The following MED12L variants were observed in gnomAD, a reference collection of about 807,000 sequenced individuals.
MED12L encodes the protein mediator of RNA polymerase II transcription subunit 12-like protein.
MED12L carries 60 observed loss-of-function variants against 281.3 expected under a neutral mutation model. The ratio of observed to expected loss-of-function variants is 0.21; its 90% CI spans 0.17 to 0.26. MED12L has a LOEUF of 0.26. MED12L is among the 10% of genes least tolerant of loss of function. MED12L has a pLI of 1.00. For missense variants in MED12L, 2,146 were observed against 2,680.9 expected (o/e 0.80, Z 4.41); for synonymous variants, 974 against 987.2 (o/e 0.99, Z 0.25).
chr3:151,092,877 ACT>A (rs1212778377), intron 2 of MED12L, among the ~76,000 whole-genome samples: 2 of 151,810 alleles, frequency 1.3e-5, no homozygotes, highest in Non-Finnish European at 2.9e-5. Context: ...GCCTCAGGTG[ACT>A]CTTAGGAGAG....
intron 16 of MED12L, among the ~76,000 whole-genome samples, chr3:151,226,431 G>A (rs1054935275): frequency 6.6e-5 from 10 of 152,144 alleles, no homozygotes; most frequent in African/African-American, 2.4e-4. Flanking sequence ...ATGGTTAAGT[G>A]ATTCATCAAA....
At chr3:151,257,059 T>G (rs1737956723) in intron 16 of MED12L, among the ~76,000 whole-genome samples, 1 of 152,188 alleles carries the variant, frequency 6.6e-6, no homozygotes, top group Non-Finnish European at 1.5e-5. Context: ...ATACAGCTGC[T>G]TCTGAGATAC....
At chr3:151,234,803 T>C (rs1456661688) in intron 16 of MED12L, among the ~76,000 whole-genome samples, 1 of 152,202 alleles carries the variant, frequency 6.6e-6, no homozygotes, top group Non-Finnish European at 1.5e-5. Flanking sequence ...TAATGTGGAC[T>C]ATCATTAACC....
chr3:151,159,738 A>C, intron 7 of MED12L, 94 bp from the exon 8 acceptor site: 13 of 1,249,180 alleles, frequency 1.0e-5, no homozygotes, highest in Non-Finnish European at 1.4e-5. Context: ...AAGTTTTTTT[A>C]TCTTTTTTAA....
At chr3:151,349,042 G>T (rs563346716) in intron 16 of MED12L, among the ~76,000 whole-genome samples, 8 of 152,210 alleles carry the variant, frequency 5.3e-5, no homozygotes, top group Non-Finnish European at 1.2e-4. Context: ...TATACATAGA[G>T]TAAGAAAAGG....
At chr3:151,177,151 G>A (rs550276588) in intron 11 of MED12L, among the ~76,000 whole-genome samples, 1 of 152,336 alleles carries the variant, frequency 6.6e-6, no homozygotes, top group Admixed American at 6.5e-5. Flanking sequence ...TAGAAGTCCA[G>A]CTTGTCCCTA....
chr3:151,382,977 T>C (rs1177843320), intron 33 of MED12L, among the ~76,000 whole-genome samples: 1 of 152,188 alleles, frequency 6.6e-6, no homozygotes, highest in African/African-American at 2.4e-5. Flanking sequence ...AGATTTGCCT[T>C]CTCTACCTCT....
intron 16 of MED12L, among the ~76,000 whole-genome samples, chr3:151,231,499 G>A (rs1731662369): frequency 6.6e-6 from 1 of 152,140 alleles, no homozygotes; most frequent in African/African-American, 2.4e-5. Flanking sequence ...ACATACTTTT[G>A]TAATAAACTG....
intron 16 of MED12L, among the ~76,000 whole-genome samples, chr3:151,292,414 G>A (rs1366860521): frequency 6.6e-6 from 1 of 151,556 alleles, no homozygotes; most frequent in Non-Finnish European, 1.5e-5. Flanking sequence ...AGCCTTCTAA[G>A]TAGCTGGGAT....
intron 37 of MED12L, among the ~76,000 whole-genome samples, chr3:151,388,396 T>A (rs1713755716): frequency 6.6e-6 from 1 of 152,246 alleles, no homozygotes; most frequent in African/African-American, 2.4e-5. Flanking sequence ...AATTTTATTT[T>A]AATTGTAGGC....
intron 11 of MED12L, among the ~76,000 whole-genome samples, chr3:151,176,889 T>A (rs1047591559): frequency 3.3e-5 from 5 of 152,238 alleles, no homozygotes; most frequent in African/African-American, 1.2e-4. Context: ...TCTACCTTGT[T>A]TATTCCTTTG....
At chr3:151,331,339 G>A (rs1023580543) in intron 16 of MED12L, among the ~76,000 whole-genome samples, 4 of 152,268 alleles carry the variant, frequency 2.6e-5, no homozygotes, top group South Asian at 2.1e-4. Context: ...ATGTTTAGGC[G>A]CCAGAGTGCC....
At chr3:151,181,529 C>G (rs1404402961) in intron 11 of MED12L, among the ~76,000 whole-genome samples, 1 of 151,186 alleles carries the variant, frequency 6.6e-6, no homozygotes, top group Non-Finnish European at 1.5e-5. Flanking sequence ...CTTAGCTTCC[C>G]CAGTAGCTGG....
At chr3:151,101,961 A>G (rs73012992) in intron 2 of MED12L, among the ~76,000 whole-genome samples, 11,038 of 152,202 alleles carry the variant, frequency 0.073, 1,389 homozygotes, top group African/African-American at 0.25. Context: ...TATTTCTTGG[A>G]ACACTGTTCA....
intron 2 of MED12L, among the ~76,000 whole-genome samples, chr3:151,110,466 A>G (rs543373916): frequency 6.6e-6 from 1 of 152,052 alleles, no homozygotes; most frequent in Non-Finnish European, 1.5e-5. Flanking sequence ...AATAGTTAAC[A>G]CTCTGGAACT....
chr3:151,324,043 C>T (rs1023889559), intron 16 of MED12L, among the ~76,000 whole-genome samples: 1 of 152,178 alleles, frequency 6.6e-6, no homozygotes, highest in Non-Finnish European at 1.5e-5. Flanking sequence ...GTGACCAGAG[C>T]AGTTGAGGTG....
At chr3:151,415,985 G>A (rs977143368) in intron 42 of MED12L, among the ~76,000 whole-genome samples, 10 of 152,160 alleles carry the variant, frequency 6.6e-5, no homozygotes, top group East Asian at 1.9e-4. Context: ...TAAAACATGC[G>A]GAAGGACAAA....
chr3:151,350,489 A>G (rs943640715), intron 17 of MED12L, among the ~76,000 whole-genome samples: 30 of 152,098 alleles, frequency 2.0e-4, no homozygotes, highest in Non-Finnish European at 3.1e-4. Flanking sequence ...GATTTTTGGT[A>G]TACTTCTCAA....
At chr3:151,386,351 C>T (rs1560110894) in intron 36 of MED12L, among the ~76,000 whole-genome samples, 1 of 152,248 alleles carries the variant, frequency 6.6e-6, no homozygotes, top group East Asian at 1.9e-4. Flanking sequence ...AGTCAATTTA[C>T]AGGTGGCAAT....
Sources: allele counts gnomAD v4.1 joint callset (sites outside exome capture counted in the v4.1 genomes callset), GRCh38; gene constraint gnomAD v4.1.1; transcripts MANE v1.5; gene names NCBI Gene and HGNC (gene_info 2026-07-23, HGNC 2026-07-21).